The following TXNDC16 variants were observed in gnomAD, a reference collection of about 807,000 sequenced individuals.
TXNDC16 encodes the protein thioredoxin domain-containing protein 16.
Under a neutral mutation model 85.6 loss-of-function variants are expected in TXNDC16, and 74 were observed. That is an observed-to-expected ratio of 0.86 (90% CI 0.72 to 1.05). The LOEUF (loss-of-function observed/expected upper bound fraction) is 1.05, where lower values mean the gene tolerates loss of function less well. Among genes scored for constraint, TXNDC16 ranks in the 50% least tolerant of loss-of-function variants. TXNDC16 has a pLI of 0.00. For missense variants in TXNDC16, 959 were observed against 947.0 expected (o/e 1.01, Z -0.17); for synonymous variants, 335 against 326.5 (o/e 1.03, Z -0.28).
chr14:52,509,209 C>CA lies in TXNDC16; in HGVS notation c.756+2030dup, dbSNP rs1181097027. Among the ~76,000 whole-genome samples the CA allele has an allele frequency of 2.0e-5, 3 of 151,876 alleles. No homozygotes were observed. The East Asian group carries it at 5.8e-4, about 29-fold the overall frequency. On this transcript the variant is annotated intron_variant, in intron 9 of 20. Transcript: ENST00000281741. ...TGAGCAGAAACTTTAGGAAAGGGCA[C>CA]AACTTCAAGCCAGAATGTTGTAGCA...
At chr14:52,530,344 T>TATATTATTATATATA (rs2037494133) in intron 6 of TXNDC16, among the ~76,000 whole-genome samples, 1 of 49,198 alleles carries the variant, frequency 2.0e-5, no homozygotes, top group African/African-American at 9.9e-5. Flanking sequence ...TATATAATTA[T>TATATTATTATATATA]ATATTATAAT....
In TXNDC16 at chr14:52,432,465, C is replaced by A; in HGVS notation, c.2317G>T (p.Val773Leu). 1 of 1,614,000 alleles carries A rather than the reference C, an allele frequency of 6.2e-7. No homozygotes were observed. The highest frequency in any genetic ancestry group is 8.5e-7 in the Non-Finnish European group (1 of 1,179,948). Residue 773 changes from valine to leucine, a missense_variant, in exon 21 of 21, where the codon GTG (valine) becomes TTG (leucine). Physicochemically the swap from Val to Leu is conservative, Grantham distance 32. Coordinates refer to ENST00000281741, the MANE Select transcript of TXNDC16 (RefSeq NM_020784.3). ...TGTTGTTCCTTATCATTCTCCTGCA[C>A]ATCTGTTTCTTTCATACACTTGGGA... is the stretch of plus-strand genomic sequence containing the variant. ...KVPKCMKETD[V>L]QENDKEQHED...
At chr14:52,513,315 A>G (rs2036999449) in intron 8 of TXNDC16, among the ~76,000 whole-genome samples, 1 of 152,194 alleles carries the variant, frequency 6.6e-6, no homozygotes, top group Non-Finnish European at 1.5e-5. Flanking sequence ...AGAATTAACA[A>G]GTGAAAGAAA....
chr14:52,488,679 C>T (rs1406256279), intron 11 of TXNDC16, among the ~76,000 whole-genome samples, 193 bp from the exon 12 acceptor site: 1 of 151,434 alleles, frequency 6.6e-6, no homozygotes, highest in African/African-American at 2.4e-5. Context: ...ACTAAAAATA[C>T]AAAAATTAGA....
Position 52,505,094 on chromosome 14 carries a change from A to T in TXNDC16, c.756+6146T>A, listed in dbSNP as rs572074519. 2.6e-5 allele frequency among the ~76,000 whole-genome samples: 4 copies of T among 152,292 alleles called. No homozygotes were observed. In the East Asian group the frequency reaches 7.7e-4, roughly 29 times the overall value. On this transcript the variant is annotated intron_variant, in intron 9 of 20. Coordinates refer to ENST00000281741, the MANE Select transcript of TXNDC16 (RefSeq NM_020784.3). The stretch of plus-strand genomic sequence containing the variant: ...AGCAAGTTCTTAGCGACCTACAAAG[A>T]GACTTAGACTCACACACAATAATAA...
Position 52,514,909 on chromosome 14 carries a change from G to A in TXNDC16, c.576C>T (p.Thr192=). Residue 192 remains threonine (T), a synonymous_variant, in exon 8 of 21, where the codon ACC becomes ACT. Transcript: ENST00000281741. ...VYGTTYQFVL[T]TEIALLESIG... is the part of the protein sequence containing the mutation. ...TACTTTCCAAAAGGGCAATTTCTGT[G>A]GTTAAGACAAATTGGTATGTAGTCC... The A allele has an allele frequency of 6.2e-7, 1 of 1,612,316 alleles. No homozygotes were observed.
chr14:52,549,917 G>A (rs2038012116), intron 1 of TXNDC16, among the ~76,000 whole-genome samples: 1 of 152,098 alleles, frequency 6.6e-6, no homozygotes, highest in Admixed American at 6.5e-5. Flanking sequence ...GATTACAGGC[G>A]TGAGCCACCA....
intron 9 of TXNDC16, among the ~76,000 whole-genome samples, chr14:52,498,934 A>G (rs2036593351): frequency 6.6e-6 from 1 of 152,190 alleles, no homozygotes; most frequent in African/African-American, 2.4e-5. Context: ...TTACAAAGCT[A>G]CAGTAATCAA....
intron 9 of TXNDC16, among the ~76,000 whole-genome samples, chr14:52,494,393 G>C (rs2036484776): frequency 6.6e-6 from 1 of 152,130 alleles, no homozygotes; most frequent in South Asian, 2.1e-4. Context: ...CATGTGGCAA[G>C]GGCTTGAGAG....
intron 14 of TXNDC16, among the ~76,000 whole-genome samples, chr14:52,471,876 G>C (rs903131069): frequency 6.6e-6 from 1 of 151,014 alleles, no homozygotes; most frequent in African/African-American, 2.4e-5. Flanking sequence ...TGTGTGGAAA[G>C]AGATCAAACA....
At chr14:52,512,649 A>C (rs2036983754) in intron 8 of TXNDC16, among the ~76,000 whole-genome samples, 1 of 152,208 alleles carries the variant, frequency 6.6e-6, no homozygotes, top group Non-Finnish European at 1.5e-5. Flanking sequence ...ATTTGCTTGC[A>C]GATAACGGAA....
intron 14 of TXNDC16, among the ~76,000 whole-genome samples, chr14:52,476,703 C>T (rs2036027811): frequency 6.6e-6 from 1 of 152,022 alleles, no homozygotes; most frequent in Non-Finnish European, 1.5e-5. Flanking sequence ...ACAACCAAAC[C>T]TGAATAATCA....
rs779545975 is a variant in TXNDC16 at position 52,439,308 on chromosome 14, T to G, written c.2090A>C (p.His697Pro). 1 of 1,613,930 alleles carries G rather than the reference T, an allele frequency of 6.2e-7. No homozygotes were observed. Among genetic ancestry groups the G allele is most frequent in the Admixed American group, 1.7e-5 (1 of 59,992 alleles). ...PLPLLVLVNL[H>P]SGGQVFAFPS... ...AAATGCAAATACTTGGCCACCTGAA[T>G]GCAGATTCACCAAAACAAGAAGAGG... is the stretch of plus-strand genomic sequence containing the variant. Residue 697 changes from histidine (H) to proline (P), a missense_variant, in exon 20 of 21, where the codon CAT (histidine) becomes CCT (proline). Transcript: ENST00000281741.
intron 14 of TXNDC16, among the ~76,000 whole-genome samples, chr14:52,476,279 C>T (rs750787541): frequency 2.6e-5 from 4 of 152,048 alleles, no homozygotes; most frequent in Non-Finnish European, 5.9e-5. Flanking sequence ...TTCTTTAACT[C>T]ACCCCCGCAA....
At position 52,542,409 on chromosome 14, in the gene TXNDC16, C is replaced by G. The variant is rs757458154; in HGVS notation, c.205G>C (p.Val69Leu). The G allele has an allele frequency of 1.9e-6, 3 of 1,612,618 alleles. No individual in the cohort carries two copies. The highest frequency in any genetic ancestry group is 2.7e-5 in the African/African-American group (2 of 74,878). ...ATTCCATAGTCCTGCAGAGGTCTAA[C>G]AGCCTCATTCAGTTCTTCAAGAAAT... ...SVFLEELNEA[V>L]RPLQDYGISV... Residue 69 changes from valine (V) to leucine (L), a missense_variant, in exon 4 of 21, where the codon GTT becomes CTT. Val to Leu is a conservative substitution (Grantham distance 32). Coordinates refer to ENST00000281741, the MANE Select transcript of TXNDC16 (RefSeq NM_020784.3).
At position 52,537,590 on chromosome 14, in the gene TXNDC16, A is replaced by C. The variant is rs775756624; in HGVS notation, c.317+9T>G. 7 of 1,562,346 alleles carry C rather than the reference A, an allele frequency of 4.5e-6. No homozygotes were observed. The highest frequency in any genetic ancestry group is 6.2e-6 in the Non-Finnish European group (7 of 1,135,396). ...GTATTTGTCCAGCACACTCAGGAAA[A>C]TAGCTTACTTGAATAAATATGCTTT... On this transcript the variant is annotated intron_variant, in intron 5 of 20. Transcript: ENST00000281741.
chr14:52,549,378 G>A (rs574083420), intron 1 of TXNDC16, among the ~76,000 whole-genome samples: 33 of 152,290 alleles, frequency 2.2e-4, no homozygotes, highest in Non-Finnish European at 3.8e-4. Context: ...GTAGAAAAAG[G>A]GCTAAAGCGT....
At chr14:52,456,293 C>A (rs1011840793) in intron 17 of TXNDC16, among the ~76,000 whole-genome samples, 3 of 152,014 alleles carry the variant, frequency 2.0e-5, no homozygotes, top group African/African-American at 4.8e-5. Flanking sequence ...CTCTTTGGAC[C>A]ACAGCTAGAC....
At chr14:52,494,105 G>A (rs1028720781) in intron 9 of TXNDC16, among the ~76,000 whole-genome samples, 1 of 151,372 alleles carries the variant, frequency 6.6e-6, no homozygotes, top group Non-Finnish European at 1.5e-5. Flanking sequence ...GTCTACCATA[G>A]GTAAGTATAG....
Sources: gnomAD v4.1 joint callset for allele counts (sites outside exome capture counted in the v4.1 genomes callset) on GRCh38, gnomAD v4.1.1 for gene constraint, MANE v1.5 for transcripts, NCBI Gene and HGNC (gene_info 2026-07-23, HGNC 2026-07-21) for gene names.